PLCXD1: variants seen among roughly 807,000 people sequenced by gnomAD.
PLCXD1 encodes the protein phosphatidylinositol specific phospholipase C X domain containing 1, also known as PI-PLC X domain-containing protein 1.
Under a neutral mutation model 37.8 loss-of-function variants are expected in PLCXD1, and 45 were observed. That is an observed-to-expected ratio of 1.19 (90% CI 0.94 to 1.53). The LOEUF (loss-of-function observed/expected upper bound fraction) is 1.53. PLCXD1 is among the 40% of genes most tolerant of loss of function. PLCXD1 has a pLI of 0.00. For synonymous variants in PLCXD1, 246 were observed against 206.9 expected, an observed-to-expected ratio of 1.19 and a Z score of -1.62; for missense variants, 539 against 454.7, an observed-to-expected ratio of 1.19 and a Z score of -1.69.
Position 299,011 on chromosome X carries a change from C to T in PLCXD1, c.734-86C>T, listed in dbSNP as rs775765569. 105 of 1,015,442 alleles carry T rather than the reference C, an allele frequency of 1.0e-4. 1 individual carries two copies. In the African/African-American group the frequency reaches 1.5e-3, roughly 15 times the overall value. The allele number at this position is 1,015,442 out of a possible 1,614,324, so 62.9% of individuals were successfully genotyped here. On this transcript the variant is annotated intron_variant, in intron 6 of 6. Coordinates refer to ENST00000381657, the MANE Select transcript of PLCXD1 (RefSeq NM_018390.4). ...CTTTCAACTCTTAATTCCTGAGATG[C>T]GAACCTCTAATAATGTGACTAGGAG...
At chrX:278,204 A>G (rs190803885), upstream of PLCXD1, among the ~76,000 whole-genome samples, 60,033 of 122,208 alleles carry the variant, frequency 0.49, 15,822 homozygotes, top group East Asian at 0.63. Context: ...AGGAGGGGAC[A>G]CCCCTCAGTG....
At chrX:279,923 C>G (rs1470435613), upstream of PLCXD1, among the ~76,000 whole-genome samples, 3 of 152,148 alleles carry the variant, frequency 2.0e-5, no homozygotes, top group Non-Finnish European at 2.9e-5. Flanking sequence ...GATCTCGGCT[C>G]ACTGCAACCT....
chrX:286,035 A>G (rs1356109831), intron 2 of PLCXD1, among the ~76,000 whole-genome samples: 3 of 151,804 alleles, frequency 2.0e-5, no homozygotes, highest in African/African-American at 7.3e-5. Context: ...GTAGGGAATG[A>G]GTTATGGTGC....
chrX:277,019 G>A (rs146730447), upstream of PLCXD1, among the ~76,000 whole-genome samples: 156 of 152,314 alleles, frequency 1.0e-3, 3 homozygotes, highest in Admixed American at 7.6e-3. Context: ...CGCCGCGACC[G>A]TGAAGGCCAG....
intron 3 of PLCXD1, among the ~76,000 whole-genome samples, chrX:290,408 T>C (rs192398683): frequency 0.024 from 3,468 of 143,474 alleles, 125 homozygotes; most frequent in African/African-American, 0.086. Context: ...CCAGCCTGGG[T>C]GACAGAGCGA....
At chrX:290,239 A>T (rs2069584830) in intron 3 of PLCXD1, among the ~76,000 whole-genome samples, 1 of 152,030 alleles carries the variant, frequency 6.6e-6, no homozygotes, top group Non-Finnish European at 1.5e-5. Flanking sequence ...CGTCCTGGCT[A>T]ACATGTTGAA....
rs928077942 is a variant in PLCXD1 at position 291,631 on chromosome X, G to A, written c.526G>A (p.Gly176Arg). Reference protein sequence around the residue: ...YLVACIKNIFGDMLCPRGEVP... With the variant: ...YLVACIKNIFRDMLCPRGEVP... ...GGTCGCCTGTATCAAGAACATCTTC[G>A]GGGACATGCTGTGTCCTCGTGGGGT... The change falls in exon 5 of 7, where the codon GGG becomes AGG. Residue 176 changes from glycine to arginine, a missense_variant. Gly to Arg is a moderately radical substitution (Grantham distance 125). Coordinates refer to ENST00000381657, the MANE Select transcript of PLCXD1 (RefSeq NM_018390.4). The A allele has an allele frequency of 8.7e-6, 14 of 1,612,644 alleles. No homozygotes were observed. The East Asian group carries it at 1.1e-4, about 13-fold the overall frequency.
rs1220300431 is a variant in PLCXD1 at position 299,761 on chromosome X, G to GA, written c.*435dup. ...GATAGACCGAGACTCCATCTCAAAA[G>GA]AAAAAAAAACAGCCGAGTGTGCAGT... On this transcript the variant is annotated 3_prime_UTR_variant, in exon 7 of 7. Transcript: ENST00000381657. The GA allele has an allele frequency of 3.4e-3, 535 of 157,272 alleles. No individual in the cohort carries two copies. The highest frequency in any genetic ancestry group is 9.0e-3 in the South Asian group (72 of 7,994). 9.7% of individuals were successfully genotyped at this position (157,272 alleles called of 1,614,324 possible).
chrX:287,816 TG>T (rs2069506670), intron 2 of PLCXD1, among the ~76,000 whole-genome samples: 1 of 151,514 alleles, frequency 6.6e-6, no homozygotes, highest in Non-Finnish European at 1.5e-5. Context: ...AGGCAGGAAA[TG>T]CAAACGTCAG....
chrX:293,640 G>A (rs1275043747), intron 6 of PLCXD1, among the ~76,000 whole-genome samples: 1 of 152,192 alleles, frequency 6.6e-6, no homozygotes, highest in Non-Finnish European at 1.5e-5. Context: ...ACATTGGCGG[G>A]GGGAGGGATC....
intron 6 of PLCXD1, among the ~76,000 whole-genome samples, chrX:293,778 G>C (rs2069714078): frequency 6.6e-6 from 1 of 152,204 alleles, no homozygotes; most frequent in Non-Finnish European, 1.5e-5. Flanking sequence ...GACACAAAAG[G>C]ACACGTAGTG....
intron 6 of PLCXD1, among the ~76,000 whole-genome samples, chrX:298,697 A>T (rs1426419307): frequency 1.8e-5 from 1 of 55,080 alleles, no homozygotes; most frequent in East Asian, 5.6e-4. Context: ...TCTGTCTATC[A>T]CATGGGGATC....
intron 2 of PLCXD1, among the ~76,000 whole-genome samples, chrX:287,556 A>T: frequency 1.0e-5 from 1 of 97,558 alleles, no homozygotes; most frequent in South Asian, 2.9e-4. Context: ...ATAGATATAG[A>T]TACTATATAT....
chrX:298,364 T>C (rs1457933656), intron 6 of PLCXD1, among the ~76,000 whole-genome samples: 15 of 8,386 alleles, frequency 1.8e-3, no homozygotes, highest in Non-Finnish European at 2.8e-3. Flanking sequence ...ACATGGGGAT[T>C]AGGACGTGGA....
At chrX:294,406 C>T (rs761146411) in intron 6 of PLCXD1, among the ~76,000 whole-genome samples, 8 of 149,290 alleles carry the variant, frequency 5.4e-5, no homozygotes, top group East Asian at 2.0e-4. Context: ...GGTGTGAACT[C>T]GGGAGGCGGA....
intron 3 of PLCXD1, 39 bp downstream of exon 3, chrX:288,908 G>A: frequency 6.2e-7 from 1 of 1,601,028 alleles, no homozygotes; most frequent in Non-Finnish European, 8.5e-7. Flanking sequence ...TGGCCTGTCA[G>A]CTATGTGGGG....
Position 300,135 on chromosome X carries a change from A to G in PLCXD1, c.*800A>G, listed in dbSNP as rs1478525634. 6.6e-6 allele frequency: 1 copy of G among 150,718 alleles called. No individual in the cohort carries two copies. The highest frequency in any genetic ancestry group is 1.5e-5 in the Non-Finnish European group (1 of 67,862). The allele number at this position is 150,718 out of a possible 1,614,324, so 9.3% of individuals were successfully genotyped here. The stretch of plus-strand genomic sequence containing the variant: ...ACTCCTGGCCTCAAGTGATCCTCCC[A>G]CCTCAGCCTCCCAGAGTGCTGGGAT... On this transcript the variant is annotated 3_prime_UTR_variant, in exon 7 of 7. Transcript: ENST00000381657.
In PLCXD1 at chrX:300,702, A is replaced by G. The variant is rs1006956321; in HGVS notation, c.*1367A>G. 5 of 151,892 alleles carry G rather than the reference A, an allele frequency of 3.3e-5. No individual in the cohort carries two copies. The highest frequency in any genetic ancestry group is 5.9e-5 in the Non-Finnish European group (4 of 68,002). The allele number at this position is 151,892 out of a possible 1,614,324, so 9.4% of individuals were successfully genotyped here. A position where few individuals can be genotyped will look rare whatever the true frequency, so the allele number is the denominator to read the frequency against. On this transcript the variant is annotated 3_prime_UTR_variant, in exon 7 of 7. Coordinates refer to ENST00000381657, the MANE Select transcript of PLCXD1 (RefSeq NM_018390.4). ...CGTGCGTGTGTATGTGTATATATATATATGTGTATATATATATTTTTTGAG... is the reference window on the plus strand; with the variant it reads ...CGTGCGTGTGTATGTGTATATATATGTATGTGTATATATATATTTTTTGAG...
rs190276423 is a variant in PLCXD1 at position 293,221 on chromosome X, A to G, written c.733+3A>G. On this transcript the variant is annotated splice_donor_region_variant and intron_variant, in intron 6 of 6. Coordinates refer to ENST00000381657, the MANE Select transcript of PLCXD1 (RefSeq NM_018390.4). Reference sequence around the variant, plus strand: ...CATGAAGAGCTGCGGCCGCCCAGGTACCAGGTCGCCCCTCGTGGGGGTAGA... The same window carrying G: ...CATGAAGAGCTGCGGCCGCCCAGGTGCCAGGTCGCCCCTCGTGGGGGTAGA... 103 of 1,607,126 alleles carry G rather than the reference A, an allele frequency of 6.4e-5. No individual in the cohort carries two copies. The African/African-American group carries it at 1.3e-3, about 20-fold the overall frequency.
Sources: gnomAD v4.1 joint callset for allele counts (sites outside exome capture counted in the v4.1 genomes callset) on GRCh38, gnomAD v4.1.1 for gene constraint, MANE v1.5 for transcripts, NCBI Gene and HGNC (gene_info 2026-07-23, HGNC 2026-07-21) for gene names.